FBXO4: variants seen among roughly 807,000 people sequenced by gnomAD.
FBXO4 encodes F-box protein 4.
FBXO4 carries 36 observed loss-of-function variants against 43.7 expected under a neutral mutation model. The observed-to-expected ratio is 0.82, with a 90% CI of 0.63 to 1.09. The LOEUF (loss-of-function observed/expected upper bound fraction) is 1.09. FBXO4 is among the 50% of genes least tolerant of loss of function. FBXO4 has a pLI of 0.00. For synonymous variants in FBXO4, 180 were observed against 165.6 expected, an observed-to-expected ratio of 1.09 and a Z score of -0.67; for missense variants, 435 against 474.1, an observed-to-expected ratio of 0.92 and a Z score of 0.77.
chr5:41,952,906 T>A, the FBXO4 span, among the ~76,000 whole-genome samples: 1 of 152,126 alleles, frequency 6.6e-6, no homozygotes, highest in Admixed American at 6.5e-5. Context: ...GCTAAAGTTT[T>A]TCCTCTCATT....
At chr5:41,964,825 C>G in the FBXO4 span, among the ~76,000 whole-genome samples, 15 of 152,156 alleles carry the variant, frequency 9.9e-5, no homozygotes, top group African/African-American at 3.4e-4. Flanking sequence ...TTCTCCCATT[C>G]TGTAGGTTGC....
At chr5:41,927,499 A>C (rs62361678) in intron 2 of FBXO4, among the ~76,000 whole-genome samples, 9,804 of 152,274 alleles carry the variant, frequency 0.064, 440 homozygotes, top group Non-Finnish European at 0.098. Flanking sequence ...GAAGTAAAAG[A>C]CTTCTTAAAA....
At chr5:41,992,013 G>A in the FBXO4 span, among the ~76,000 whole-genome samples, 1 of 152,302 alleles carries the variant, frequency 6.6e-6, no homozygotes, top group East Asian at 1.9e-4. Flanking sequence ...GGGAGGCAGA[G>A]GTTGCGGTGA....
At chr5:41,967,434 C>G in the FBXO4 span, 53 of 568,702 alleles carry the variant, frequency 9.3e-5, no homozygotes, top group Admixed American at 1.1e-3. Flanking sequence ...ACACCTGCAA[C>G]AGATATTACA....
the FBXO4 span, among the ~76,000 whole-genome samples, chr5:42,012,181 C>T: frequency 6.6e-6 from 1 of 152,162 alleles, no homozygotes; most frequent in Non-Finnish European, 1.5e-5. Context: ...CATGAGCGTC[C>T]TCAAGGATTA....
the FBXO4 span, among the ~76,000 whole-genome samples, chr5:41,969,477 A>G: frequency 6.6e-6 from 1 of 152,172 alleles, no homozygotes; most frequent in East Asian, 1.9e-4. Context: ...ATAATTTAAA[A>G]TGAACAGGAA....
the FBXO4 span, among the ~76,000 whole-genome samples, chr5:42,032,713 G>A: frequency 6.6e-6 from 1 of 152,124 alleles, no homozygotes; most frequent in Admixed American, 6.6e-5. Flanking sequence ...GGCCCACTTG[G>A]TGCTCTACCC....
the FBXO4 span, among the ~76,000 whole-genome samples, chr5:42,035,645 T>C: frequency 6.6e-6 from 1 of 152,080 alleles, no homozygotes; most frequent in Non-Finnish European, 1.5e-5. Flanking sequence ...TGAAGAACCA[T>C]GGTTTGTCTG....
intron 5 of FBXO4, among the ~76,000 whole-genome samples, chr5:41,937,463 G>T (rs1390862456): frequency 1.3e-5 from 2 of 152,124 alleles, no homozygotes; most frequent in Non-Finnish European, 2.9e-5. Context: ...CAGACAAACA[G>T]AAGTTCAATG....
the FBXO4 span, among the ~76,000 whole-genome samples, chr5:41,994,674 A>C: frequency 6.6e-6 from 1 of 152,156 alleles, no homozygotes; most frequent in Admixed American, 6.5e-5. Flanking sequence ...CAGATCAATC[A>C]CCCCAGCCAA....
At chr5:42,008,044 ACT>A in the FBXO4 span, among the ~76,000 whole-genome samples, 1 of 152,086 alleles carries the variant, frequency 6.6e-6, no homozygotes, top group African/African-American at 2.4e-5. Flanking sequence ...CATGAAGATG[ACT>A]CTCATTAAAA....
intron 3 of FBXO4, chr5:41,930,237 TG>T (rs2112572064): frequency 4.4e-6 from 1 of 229,246 alleles, no homozygotes; most frequent in East Asian, 9.8e-5. Context: ...TGAGCATCTG[TG>T]TGGAGAGTAT....
intron 3 of FBXO4, 141 bp downstream of exon 3, chr5:41,930,058 A>G (rs1751635499): frequency 1.6e-6 from 1 of 629,952 alleles, no homozygotes; most frequent in African/African-American, 1.8e-5. Flanking sequence ...ACCAGGTTCC[A>G]CTGAACTGAC....
chr5:42,025,486 T>C, the FBXO4 span, among the ~76,000 whole-genome samples: 1 of 152,064 alleles, frequency 6.6e-6, no homozygotes, highest in Non-Finnish European at 1.5e-5. Flanking sequence ...TTCCATTGTT[T>C]GGGTTGTCTC....
the FBXO4 span, among the ~76,000 whole-genome samples, chr5:42,010,733 TATG>T: frequency 6.6e-6 from 1 of 152,182 alleles, no homozygotes; most frequent in Non-Finnish European, 1.5e-5. Context: ...TGCTGCACTT[TATG>T]ATAATTCTGT....
chr5:41,938,477 C>T (rs748960435), intron 5 of FBXO4, among the ~76,000 whole-genome samples: 5 of 152,082 alleles, frequency 3.3e-5, no homozygotes, highest in Non-Finnish European at 5.9e-5. Context: ...AAATCTAAGA[C>T]GTATAGGATA....
the FBXO4 span, among the ~76,000 whole-genome samples, chr5:42,032,262 G>A: frequency 6.6e-6 from 1 of 152,044 alleles, no homozygotes; most frequent in African/African-American, 2.4e-5. Context: ...CAAGGCCCTG[G>A]GGCTCTACAA....
intron 5 of FBXO4, among the ~76,000 whole-genome samples, chr5:41,935,538 A>T (rs1751828251): frequency 6.6e-6 from 1 of 152,246 alleles, no homozygotes; most frequent in African/African-American, 2.4e-5. Flanking sequence ...TGTACCAAGG[A>T]TCTTGCACTG....
the FBXO4 span, among the ~76,000 whole-genome samples, chr5:42,019,520 C>A: frequency 6.6e-6 from 1 of 152,058 alleles, no homozygotes; most frequent in African/African-American, 2.4e-5. Flanking sequence ...GAAACCCCAT[C>A]TCTACTAAAA....
Sources: allele counts gnomAD v4.1 joint callset (sites outside exome capture counted in the v4.1 genomes callset), GRCh38; gene constraint gnomAD v4.1.1; transcripts MANE v1.5; gene names NCBI Gene and HGNC (gene_info 2026-07-23, HGNC 2026-07-21).